EFR3B: variants seen among roughly 807,000 people sequenced by gnomAD.
EFR3B encodes the protein EFR3 homolog B.
A neutral mutation model predicts 104.7 loss-of-function variants in EFR3B; 64 were observed. That is an observed-to-expected ratio of 0.61 (90% CI 0.50 to 0.75). The LOEUF (loss-of-function observed/expected upper bound fraction) is 0.75, where lower values mean the gene tolerates loss of function less well. Among genes scored for constraint, EFR3B ranks in the 30% least tolerant of loss-of-function variants. The probability of loss-of-function intolerance (pLI) is 0.00; values close to 1 mark genes in which losing one functional copy is unlikely to be tolerated. For synonymous variants in EFR3B, 385 were observed against 417.9 expected (o/e 0.92, Z 0.96); for missense variants, 750 against 1,078.5 (o/e 0.70, Z 4.27).
rs546967412 is a variant in EFR3B at position 25,116,307 on chromosome 2, G to C, written c.364-5366G>C. 4.6e-5 allele frequency among the ~76,000 whole-genome samples: 7 copies of C among 152,232 alleles called. No individual in the cohort carries two copies. The South Asian group carries it at 1.5e-3, about 32-fold the overall frequency. On this transcript the variant is annotated intron_variant, in intron 4 of 22. Coordinates refer to ENST00000403714, the MANE Select transcript of EFR3B (RefSeq NM_014971.2). The stretch of plus-strand genomic sequence containing the variant: ...CTTCTCTACTTTATTCATGTTCCTA[G>C]GAGGTGATAGATACATTTTAAAGAA...
In EFR3B at chr2:25,138,821, T is replaced by G. The variant is rs566688116; in HGVS notation, c.1723-238T>G. 2.0e-5 allele frequency among the ~76,000 whole-genome samples: 3 copies of G among 152,346 alleles called. No individual in the cohort carries two copies. The South Asian group carries it at 6.2e-4, about 32-fold the overall frequency. On this transcript the variant is annotated intron_variant, in intron 15 of 22. Coordinates refer to ENST00000403714, the MANE Select transcript of EFR3B (RefSeq NM_014971.2). ...AGTGGGGAGTTGAGGTCATTGCCTC[T>G]GTAGTCTGTGAGTACTCAAGAGCCT...
intron 3 of EFR3B, among the ~76,000 whole-genome samples, chr2:25,103,103 G>A (rs1669468296): frequency 6.6e-6 from 1 of 152,088 alleles, no homozygotes; most frequent in Non-Finnish European, 1.5e-5. Flanking sequence ...AACCTCATGG[G>A]CCATCATGCA....
At chr2:25,043,312 C>T (rs1248579838) in intron 1 of EFR3B, among the ~76,000 whole-genome samples, 1 of 152,186 alleles carries the variant, frequency 6.6e-6, no homozygotes, top group African/African-American at 2.4e-5. Context: ...GCTCAGGCTG[C>T]ACTTGAGGGG....
In EFR3B at chr2:25,114,046, A is replaced by C. The variant is rs934550300; in HGVS notation, c.364-7627A>C. ...GCCTCTTTAAGAGGGAAAAGGGCTT[A>C]CTCGCTCTAAAACCGGAGAGTCCCA... On this transcript the variant is annotated intron_variant, in intron 4 of 22. Coordinates refer to ENST00000403714, the MANE Select transcript of EFR3B (RefSeq NM_014971.2). The surrounding 1 kb of genome is among the most constrained non-coding windows in gnomAD (Gnocchi z 4.0). 2.0e-5 allele frequency among the ~76,000 whole-genome samples: 3 copies of C among 152,172 alleles called. No homozygotes were observed. Among genetic ancestry groups the C allele is most frequent in the Non-Finnish European group, 4.4e-5 (3 of 68,036 alleles).
intron 1 of EFR3B, among the ~76,000 whole-genome samples, chr2:25,089,240 C>T (rs1026984038): frequency 2.0e-5 from 3 of 152,202 alleles, no homozygotes; most frequent in African/African-American, 7.2e-5. Flanking sequence ...GCTGCACTGA[C>T]AACCCCACAG....
Position 25,154,230 on chromosome 2 carries a change from C to A in EFR3B, c.2349-5C>A. 2 of 1,551,736 alleles carry A rather than the reference C, an allele frequency of 1.3e-6. No individual in the cohort carries two copies. Among genetic ancestry groups the A allele is most frequent in the Non-Finnish European group, 1.7e-6 (2 of 1,146,974 alleles). ...CCTTTCTCCCCATGTGTTCCTGCCC[C>A]CTAGGCCCCCACCAAGCCCATCAGG... On this transcript the variant is annotated splice_polypyrimidine_tract_variant and splice_region_variant and intron_variant, in intron 22 of 22. Coordinates refer to ENST00000403714, the MANE Select transcript of EFR3B (RefSeq NM_014971.2). The surrounding 1 kb of genome is among the most constrained non-coding windows in gnomAD (Gnocchi z 4.1).
chr2:25,046,798 C>T (rs556858098), intron 1 of EFR3B, among the ~76,000 whole-genome samples: 5 of 152,306 alleles, frequency 3.3e-5, no homozygotes, highest in African/African-American at 9.6e-5. Flanking sequence ...CCACCGCGCC[C>T]GGCCGAAGTA....
intron 12 of EFR3B, among the ~76,000 whole-genome samples, chr2:25,135,135 T>C (rs1305727450): frequency 1.3e-5 from 2 of 152,200 alleles, no homozygotes; most frequent in Non-Finnish European, 2.9e-5. Flanking sequence ...TGGCTGTTCA[T>C]CAGTTGTGCC....
intron 3 of EFR3B, among the ~76,000 whole-genome samples, chr2:25,094,575 CAAAGG>C (rs1669227063): frequency 1.3e-5 from 2 of 152,002 alleles, no homozygotes; most frequent in African/African-American, 4.8e-5. Flanking sequence ...AAATTCATCA[CAAAGG>C]AAATATAATT....
intron 4 of EFR3B, among the ~76,000 whole-genome samples, chr2:25,118,919 T>C (rs1461685119): frequency 6.6e-5 from 10 of 151,970 alleles, no homozygotes; most frequent in Non-Finnish European, 1.5e-5. Flanking sequence ...TAGTCCCAGC[T>C]ACTAGGGAGG....
chr2:25,057,440 T>C (rs1357460943), intron 1 of EFR3B, among the ~76,000 whole-genome samples: 1 of 152,094 alleles, frequency 6.6e-6, no homozygotes, highest in Non-Finnish European at 1.5e-5. Flanking sequence ...ACAGATCTGT[T>C]TTATTCCAAC....
intron 1 of EFR3B, chr2:25,080,936 C>G: frequency 2.6e-6 from 2 of 767,336 alleles, no homozygotes; most frequent in South Asian, 2.7e-5. Context: ...ATCCCATCTT[C>G]TGTTCAAGCC....
chr2:25,135,425 G>A, intron 12 of EFR3B, 42 bp from the exon 13 acceptor site: 1 of 1,547,716 alleles, frequency 6.5e-7, no homozygotes, highest in Non-Finnish European at 8.7e-7. Flanking sequence ...CACCTGAGAG[G>A]GACAGCATTC....
In EFR3B at chr2:25,121,804, G is replaced by A. The variant is rs1670023867; in HGVS notation, c.485+10G>A. ...TAGAAATCAAGACCAAGTGAGTAGG[G>A]GAAGGCAAGGGTAGTTGGTTCAGCT... is the stretch of plus-strand genomic sequence containing the variant. On this transcript the variant is annotated intron_variant, in intron 5 of 22. Transcript: ENST00000403714. 1.3e-6 allele frequency: 2 copies of A among 1,551,774 alleles called. No homozygotes were observed. The highest frequency in any genetic ancestry group is 1.4e-5 in the African/African-American group (1 of 73,160).
Position 25,154,348 on chromosome 2 carries a change from G to T in EFR3B, c.*8G>T. 6.4e-7 allele frequency: 1 copy of T among 1,551,448 alleles called. No homozygotes were observed. The highest frequency in any genetic ancestry group is 8.7e-7 in the Non-Finnish European group (1 of 1,146,458). ...GATCTGTGTGTATACTGAATTCCAA[G>T]AGCCTGAGCTCCTCAAGGAGATGGG... On this transcript the variant is annotated 3_prime_UTR_variant, in exon 23 of 23. Coordinates refer to ENST00000403714, the MANE Select transcript of EFR3B (RefSeq NM_014971.2). The surrounding 1 kb of genome is among the most constrained non-coding windows in gnomAD (Gnocchi z 4.1).
rs569593757 is a variant in EFR3B at position 25,136,981 on chromosome 2, T to C, written c.1561-360T>C. On this transcript the variant is annotated intron_variant, in intron 14 of 22. Transcript: ENST00000403714. The surrounding 1 kb of genome is among the most constrained non-coding windows in gnomAD (Gnocchi z 4.0). ...GCTATGTCTCCTCCCTCTGTAGCTCTGTCTCCTCTCTCTGTAGCTACGTCT... is the reference window on the plus strand; with the variant it reads ...GCTATGTCTCCTCCCTCTGTAGCTCCGTCTCCTCTCTCTGTAGCTACGTCT... Among the ~76,000 whole-genome samples, 2 of 152,110 alleles carry C rather than the reference T, an allele frequency of 1.3e-5. No homozygotes were observed. The highest frequency in any genetic ancestry group is 2.4e-5 in the African/African-American group (1 of 41,418).
At chr2:25,052,532 C>T (rs1051293085) in intron 1 of EFR3B, among the ~76,000 whole-genome samples, 12 of 138,654 alleles carry the variant, frequency 8.7e-5, no homozygotes, top group African/African-American at 3.3e-4. Flanking sequence ...GACGGAGTCT[C>T]GCTCTGTCGC....
At chr2:25,117,638 C>CT (rs1270745319) in intron 4 of EFR3B, among the ~76,000 whole-genome samples, 1 of 152,116 alleles carries the variant, frequency 6.6e-6, no homozygotes, top group Admixed American at 6.5e-5. Flanking sequence ...TCTCGAACTC[C>CT]TGACCTCAGG....
At chr2:25,049,559 G>A (rs1436800410) in intron 1 of EFR3B, among the ~76,000 whole-genome samples, 2 of 152,326 alleles carry the variant, frequency 1.3e-5, no homozygotes, top group African/African-American at 4.8e-5. Context: ...TTGCACGGTG[G>A]AATGGAGTTA....
Sources: allele counts gnomAD v4.1 joint callset (sites outside exome capture counted in the v4.1 genomes callset), GRCh38; gene constraint gnomAD v4.1.1; non-coding constraint Gnocchi (gnomAD v3.1); transcripts MANE v1.5; gene names NCBI Gene and HGNC (gene_info 2026-07-23, HGNC 2026-07-21).